IPCEF1: variants seen among roughly 807,000 people sequenced by gnomAD.
IPCEF1 encodes interactor protein for cytohesin exchange factors 1.
Under a neutral mutation model 50.9 loss-of-function variants are expected in IPCEF1, and 31 were observed. That is an observed-to-expected ratio of 0.61 (90% CI 0.46 to 0.82). The LOEUF is 0.82. IPCEF1 is among the 40% of genes least tolerant of loss of function. The probability of loss-of-function intolerance (pLI) is 0.00; values close to 1 mark genes in which losing one functional copy is unlikely to be tolerated. For synonymous variants in IPCEF1, 181 were observed against 192.0 expected (o/e 0.94, Z 0.47); for missense variants, 458 against 514.0 (o/e 0.89, Z 1.05).
chr6:154,355,098 A>C (rs1168677928), intron 1 of IPCEF1, among the ~76,000 whole-genome samples: 1 of 151,986 alleles, frequency 6.6e-6, no homozygotes, highest in East Asian at 1.9e-4. Flanking sequence ...TGCAATTATC[A>C]GCTCACACTG....
rs954362453 is a variant in IPCEF1 at position 154,354,296 on chromosome 6, A to T, written c.-62+2376T>A. ...TCTACTACCATCACCTCCAACCACC[A>T]TCTCCGCCATCTGTACCATCACCTC... On this transcript the variant is annotated intron_variant, in intron 1 of 11. Transcript: ENST00000367220. Among the ~76,000 whole-genome samples, 9 of 151,404 alleles carry T rather than the reference A, an allele frequency of 5.9e-5. No individual in the cohort carries two copies. In the Admixed American group the frequency reaches 6.0e-4, roughly 10 times the overall value.
At chr6:154,234,917 T>A (rs2128630344) in intron 5 of IPCEF1, among the ~76,000 whole-genome samples, 1 of 152,360 alleles carries the variant, frequency 6.6e-6, no homozygotes, top group Admixed American at 6.5e-5. Flanking sequence ...TGTAAAATCC[T>A]TAGCTTCTGC....
intron 11 of IPCEF1, among the ~76,000 whole-genome samples, chr6:154,166,228 C>T (rs757879030): frequency 2.6e-5 from 4 of 152,234 alleles, no homozygotes; most frequent in Admixed American, 2.0e-4. Flanking sequence ...TCACCAATGA[C>T]GAGGTCACAG....
chr6:154,253,846 T>TTCATTAA (rs1781396335), intron 3 of IPCEF1, among the ~76,000 whole-genome samples: 3 of 152,196 alleles, frequency 2.0e-5, no homozygotes, highest in Admixed American at 1.3e-4. Flanking sequence ...TTTTTTCTCT[T>TTCATTAA]TCATTAATGT....
chr6:154,231,978 T>C (rs1562556431), intron 5 of IPCEF1, among the ~76,000 whole-genome samples: 1 of 152,230 alleles, frequency 6.6e-6, no homozygotes, highest in East Asian at 1.9e-4. Flanking sequence ...TATACGTATT[T>C]CATGGCAAAT....
chr6:154,167,570 C>T (rs1251101727), intron 11 of IPCEF1, among the ~76,000 whole-genome samples: 1 of 152,214 alleles, frequency 6.6e-6, no homozygotes, highest in Non-Finnish European at 1.5e-5. Flanking sequence ...AGTTGATGAT[C>T]TCTGTCTCTC....
intron 3 of IPCEF1, 114 bp from the exon 4 acceptor site, chr6:154,247,602 A>G: frequency 2.3e-5 from 19 of 820,112 alleles, no homozygotes; most frequent in Non-Finnish European, 3.7e-5. Context: ...AATCTAAAAA[A>G]AAACTCTCCA....
intron 10 of IPCEF1, among the ~76,000 whole-genome samples, chr6:154,183,440 C>T (rs1271646702): frequency 6.6e-6 from 1 of 152,186 alleles, no homozygotes; most frequent in Non-Finnish European, 1.5e-5. Context: ...TTAATCTAAA[C>T]ATTTGAGAAC....
At chr6:154,317,163 T>G (rs1002223652) in intron 1 of IPCEF1, among the ~76,000 whole-genome samples, 1 of 152,108 alleles carries the variant, frequency 6.6e-6, no homozygotes, top group Non-Finnish European at 1.5e-5. Flanking sequence ...GGAGAAAATA[T>G]TCATCAAACA....
chr6:154,223,290 G>T, intron 5 of IPCEF1, 47 bp from the exon 6 acceptor site: 1 of 1,373,192 alleles, frequency 7.3e-7, no homozygotes, highest in South Asian at 1.2e-5. Context: ...ATCAATCCTG[G>T]GGATTAGTGC....
At chr6:154,179,995 C>G (rs1800694877) in intron 10 of IPCEF1, among the ~76,000 whole-genome samples, 1 of 152,098 alleles carries the variant, frequency 6.6e-6, no homozygotes, top group Non-Finnish European at 1.5e-5. Flanking sequence ...GCAAGGCCAG[C>G]CTGTTAGCAA....
chr6:154,224,898 G>C (rs1779137062), intron 5 of IPCEF1, among the ~76,000 whole-genome samples: 1 of 152,090 alleles, frequency 6.6e-6, no homozygotes, highest in Non-Finnish European at 1.5e-5. Context: ...TTCTCGAAGA[G>C]AATATAAGGT....
intron 5 of IPCEF1, among the ~76,000 whole-genome samples, chr6:154,243,658 G>A (rs1226233851): frequency 2.0e-5 from 3 of 152,170 alleles, no homozygotes; most frequent in Admixed American, 1.3e-4. Flanking sequence ...CTCAGAACCC[G>A]TTGAAGGCAG....
At chr6:154,246,239 T>TA (rs1781032615) in intron 5 of IPCEF1, among the ~76,000 whole-genome samples, 1 of 152,182 alleles carries the variant, frequency 6.6e-6, no homozygotes, top group Non-Finnish European at 1.5e-5. Context: ...CTTAACTATG[T>TA]AAAGGTGCCA....
intron 1 of IPCEF1, among the ~76,000 whole-genome samples, chr6:154,308,414 A>G (rs1783550928): frequency 6.6e-6 from 1 of 152,192 alleles, no homozygotes; most frequent in Non-Finnish European, 1.5e-5. Flanking sequence ...GGCTTGAGCC[A>G]CCACACCTGG....
chr6:154,340,382 C>A (rs1783884920), intron 1 of IPCEF1, among the ~76,000 whole-genome samples: 1 of 151,978 alleles, frequency 6.6e-6, no homozygotes, highest in Non-Finnish European at 1.5e-5. Flanking sequence ...TCCCTAGTAG[C>A]TGGGATTACA....
chr6:154,301,354 C>G (rs543616955), intron 1 of IPCEF1, among the ~76,000 whole-genome samples: 21 of 152,136 alleles, frequency 1.4e-4, no homozygotes, highest in Non-Finnish European at 2.6e-4. Flanking sequence ...TGTTCCCAAA[C>G]GGTCATGAGA....
At chr6:154,288,367 TAG>T (rs1378920685) in intron 2 of IPCEF1, among the ~76,000 whole-genome samples, 2 of 152,134 alleles carry the variant, frequency 1.3e-5, no homozygotes, top group African/African-American at 4.8e-5. Context: ...GTGTCCTTAA[TAG>T]ATAACTGTGG....
rs538458316 is a variant in IPCEF1, at chr6:154,214,895, C to T, written c.393-619G>A. On this transcript the variant is annotated intron_variant, in intron 7 of 11. Transcript: ENST00000367220. The stretch of plus-strand genomic sequence containing the variant: ...TTAAACATCAATAACAAAAATAGAA[C>T]GAGACAGAAACTCAAACTTGGCTTA... Among the ~76,000 whole-genome samples the T allele has an allele frequency of 2.2e-4, 34 of 152,236 alleles. No individual in the cohort carries two copies. The South Asian group carries it at 2.5e-3, about 11-fold the overall frequency.
Sources: allele counts gnomAD v4.1 joint callset (sites outside exome capture counted in the v4.1 genomes callset), GRCh38; gene constraint gnomAD v4.1.1; transcripts MANE v1.5; gene names NCBI Gene and HGNC (gene_info 2026-07-23, HGNC 2026-07-21).